The following COL4A5 variants were observed in gnomAD, a reference collection of about 807,000 sequenced individuals.
COL4A5 encodes the protein collagen type IV alpha 5 chain, also known as collagen alpha-5(IV) chain.
A neutral mutation model predicts 130.2 loss-of-function variants in COL4A5; 26 were observed. The observed-to-expected ratio is 0.20, with a 90% CI of 0.15 to 0.28. The LOEUF is 0.28. Ranked by LOEUF, COL4A5 falls within the 10% of genes least tolerant of loss-of-function variation. The probability of loss-of-function intolerance (pLI) is 1.00; values close to 1 mark genes in which losing one functional copy is unlikely to be tolerated. For missense variants in COL4A5, 1,131 were observed against 1,344.3 expected, an observed-to-expected ratio of 0.84 and a Z score of 2.48; for synonymous variants, 496 against 439.6, an observed-to-expected ratio of 1.13 and a Z score of -1.60.
chrX:108,684,559 G>C (rs920429896), intron 47 of COL4A5, among the ~76,000 whole-genome samples: 1 of 112,301 alleles, frequency 8.9e-6, no homozygotes, highest in South Asian at 3.7e-4. Flanking sequence ...CCAGGAAGAA[G>C]TCGAATCCTT....
intron 44 of COL4A5, among the ~76,000 whole-genome samples, chrX:108,680,316 C>A (rs2068400043): frequency 9.0e-6 from 1 of 111,516 alleles, no homozygotes; most frequent in Admixed American, 9.5e-5. Context: ...TTTCCCTTAC[C>A]CAACCACGGC....
intron 25 of COL4A5, among the ~76,000 whole-genome samples, 177 bp from the exon 26 acceptor site, chrX:108,601,216 A>C (rs1017960541): frequency 3.6e-5 from 4 of 111,663 alleles, no homozygotes; most frequent in Non-Finnish European, 5.6e-5. Flanking sequence ...TTGAAATTCT[A>C]TCCTTCTGTT....
intron 1 of COL4A5, among the ~76,000 whole-genome samples, chrX:108,487,247 G>C (rs927661673): frequency 3.6e-5 from 4 of 110,122 alleles, no homozygotes; most frequent in Non-Finnish European, 7.6e-5. Flanking sequence ...AAAATTAGCT[G>C]GGCGTGGTGG....
intron 26 of COL4A5, 73 bp downstream of exon 26, chrX:108,601,558 G>A (rs1295257045): frequency 5.0e-5 from 35 of 703,305 alleles, no homozygotes; most frequent in Non-Finnish European, 7.1e-5. Flanking sequence ...ACAGAGTTTC[G>A]CTCTGTCACC....
intron 2 of COL4A5, among the ~76,000 whole-genome samples, chrX:108,544,945 C>T (rs1369421407): frequency 1.2e-4 from 13 of 111,513 alleles, no homozygotes; most frequent in Non-Finnish European, 1.9e-4. Context: ...TCTGTGGGAT[C>T]GGTGGTGATA....
At chrX:108,452,173 C>T (rs1402011533) in intron 1 of COL4A5, among the ~76,000 whole-genome samples, 2 of 111,444 alleles carry the variant, frequency 1.8e-5, no homozygotes, top group African/African-American at 3.3e-5. Context: ...TGTTGTGTTC[C>T]ATTGATCTAT....
rs763137648 is a variant in COL4A5 at position 108,675,819 on chromosome X, T to C, written c.3808+1066T>C. Among the ~76,000 whole-genome samples, 20 of 112,073 alleles carry C rather than the reference T, an allele frequency of 1.8e-4. 1 individual carries two copies. Among genetic ancestry groups the C allele is most frequent in the Admixed American group, 3.8e-4 (4 of 10,519 alleles). On this transcript the variant is annotated intron_variant, in intron 43 of 52. Transcript: ENST00000328300. ...AAATAATAATAATTTTAAAAAGTCC[T>C]TCCATAGCTTCTACTATATACCAGG...
intron 1 of COL4A5, among the ~76,000 whole-genome samples, chrX:108,449,705 C>T (rs1375178386): frequency 9.0e-6 from 1 of 111,214 alleles, no homozygotes; most frequent in African/African-American, 3.3e-5. Context: ...TTCTGGTTCA[C>T]AGATGTTATG....
At chrX:108,597,688 A>G (rs1040104645) in intron 24 of COL4A5, 120 bp downstream of exon 24, 19 of 634,851 alleles carry the variant, frequency 3.0e-5, no homozygotes, top group South Asian at 4.9e-5. Flanking sequence ...GCTTAAAACA[A>G]TGTGACCATA....
chrX:108,671,107 A>G lies in COL4A5; in HGVS notation c.3799+871A>G, dbSNP rs755904303. Among the ~76,000 whole-genome samples the G allele has an allele frequency of 2.7e-5, 3 of 111,590 alleles. No homozygotes were observed. The South Asian group carries it at 1.1e-3, about 42-fold the overall frequency. On this transcript the variant is annotated intron_variant, in intron 42 of 52. Coordinates refer to ENST00000328300, the MANE Select transcript of COL4A5 (RefSeq NM_033380.3). ...AATCTTATTTTCATTATACATGTGT[A>G]AACAGTACACACCAAAGAACAATTA...
intron 1 of COL4A5, among the ~76,000 whole-genome samples, chrX:108,509,168 A>G (rs1237858677): frequency 4.4e-5 from 5 of 112,378 alleles, no homozygotes; most frequent in Non-Finnish European, 9.4e-5. Context: ...CAGACTATGC[A>G]TCTGACAATG....
At chrX:108,557,199 T>G (rs1331197166) in intron 2 of COL4A5, among the ~76,000 whole-genome samples, 1 of 111,313 alleles carries the variant, frequency 9.0e-6, no homozygotes, top group Non-Finnish European at 1.9e-5. Flanking sequence ...TAACTAGATT[T>G]TTTTTCCTTT....
intron 4 of COL4A5, among the ~76,000 whole-genome samples, chrX:108,567,086 A>G (rs2065986237): frequency 8.9e-6 from 1 of 111,823 alleles, no homozygotes; most frequent in South Asian, 3.7e-4. Context: ...ATAACAATGT[A>G]TAACTTAACA....
chrX:108,620,331 A>G lies in COL4A5; in HGVS notation c.2582A>G (p.Glu861Gly). 1 of 1,208,753 alleles carries G rather than the reference A, an allele frequency of 8.3e-7. No individual in the cohort carries two copies. ...PGLDVPGPPG[E>G]RGSPGIPGAP... ...CTTGATGTTCCAGGACCCCCAGGTG[A>G]AAGAGGCAGTCCAGGGATCCCCGGA... The change falls in exon 31 of 53, where the codon GAA (glutamate) becomes GGA (glycine). Residue 861 changes from glutamate (E) to glycine (G), a missense_variant. Glu to Gly is a moderately conservative substitution (Grantham distance 98, BLOSUM62 -2). Coordinates refer to ENST00000328300, the MANE Select transcript of COL4A5 (RefSeq NM_033380.3).
At chrX:108,622,531 T>C in intron 32 of COL4A5, 145 bp from the exon 33 acceptor site, 1 of 567,584 alleles carries the variant, frequency 1.8e-6, no homozygotes, top group Admixed American at 2.8e-5. Context: ...TGCACTCAAG[T>C]AATTCATAGA....
intron 33 of COL4A5, 44 bp from the exon 34 acceptor site, chrX:108,624,192 G>A (rs2067107522): frequency 9.4e-7 from 1 of 1,068,331 alleles, no homozygotes; most frequent in Admixed American, 2.3e-5. Context: ...TTTCATGGAT[G>A]AATAATATCA....
intron 1 of COL4A5, among the ~76,000 whole-genome samples, chrX:108,505,731 GAA>G (rs1456583321): frequency 8.9e-6 from 1 of 111,975 alleles, no homozygotes; most frequent in Non-Finnish European, 1.9e-5. Flanking sequence ...AAGAGTGAAA[GAA>G]ATAATTTTCT....
chrX:108,656,864 T>C (rs1603306967), intron 37 of COL4A5, among the ~76,000 whole-genome samples: 1 of 111,812 alleles, frequency 8.9e-6, no homozygotes. Context: ...TCTGTCCTTT[T>C]TCAAATAGAT....
At chrX:108,599,904 G>A (rs1342616543) in intron 25 of COL4A5, among the ~76,000 whole-genome samples, 1 of 111,977 alleles carries the variant, frequency 8.9e-6, no homozygotes, top group Non-Finnish European at 1.9e-5. Context: ...TCAAAGCATA[G>A]GATAAGTGCA....
Sources: gnomAD v4.1 joint callset for allele counts (sites outside exome capture counted in the v4.1 genomes callset) on GRCh38, gnomAD v4.1.1 for gene constraint, MANE v1.5 for transcripts, NCBI Gene and HGNC (gene_info 2026-07-23, HGNC 2026-07-21) for gene names.